The following SLC4A9 variants were observed in gnomAD, a reference collection of about 807,000 sequenced individuals.
SLC4A9 encodes solute carrier family 4 member 9.
In SLC4A9, 102 loss-of-function variants were observed where a neutral mutation model predicts 103.2. The observed-to-expected ratio is 0.99, with a 90% confidence interval of 0.84 to 1.17. The LOEUF is 1.17. Ranked by LOEUF, SLC4A9 falls within the 50% of genes most tolerant of loss-of-function variation. The pLI is 0.00. For synonymous variants in SLC4A9, 453 were observed against 483.6 expected, an observed-to-expected ratio of 0.94 and a Z score of 0.83; for missense variants, 1,091 against 1,193.7, an observed-to-expected ratio of 0.91 and a Z score of 1.27.
intron 14 of SLC4A9, 62 bp from the exon 15 acceptor site, chr5:140,367,358 T>G: frequency 6.4e-7 from 1 of 1,551,144 alleles, no homozygotes; most frequent in Non-Finnish European, 8.7e-7. Context: ...AAGGTTGAGA[T>G]GTGCAGGTGA....
chr5:140,367,774 A>G lies in SLC4A9; in HGVS notation c.2230A>G (p.Thr744Ala), dbSNP rs759004870. The G allele has an allele frequency of 6.2e-7, 1 of 1,613,824 alleles. No individual in the cohort carries two copies. The highest frequency in any genetic ancestry group is 8.5e-7 in the Non-Finnish European group (1 of 1,179,838). ...LFCVAVLMLL[T>A]SALGLPWYVS... ...CTGTGTGGCTGTGCTGATGCTACTC[A>G]CATCAGCGCTTGGACTGCCTTGGTA... The change falls in exon 16 of 22, where the codon ACA (threonine) becomes GCA (alanine). Residue 744 changes from threonine to alanine, a missense_variant. Coordinates refer to ENST00000506757, the MANE Select transcript of SLC4A9 (RefSeq NM_031467.3).
At chr5:140,367,641 TC>T in intron 15 of SLC4A9, 60 bp downstream of exon 15, 1 of 1,601,620 alleles carries the variant, frequency 6.2e-7, no homozygotes, top group Admixed American at 1.7e-5. Context: ...GAGTCTACGC[TC>T]CTCCTCTCCT....
intron 21 of SLC4A9, 185 bp from the exon 22 acceptor site, chr5:140,374,642 G>A (rs79412572): frequency 0.013 from 1,983 of 151,646 alleles, 25 homozygotes; most frequent in Non-Finnish European, 0.022. Context: ...AGAGAAAGGG[G>A]AATTCACTGG....
rs1561621631 is a variant in SLC4A9 at position 140,370,758 on chromosome 5, T to C, written c.2428-337T>C. 9 of 248,434 alleles carry C rather than the reference T, an allele frequency of 3.6e-5. No homozygotes were observed. In the South Asian group the frequency reaches 5.5e-4, roughly 15 times the overall value. The allele number at this position is 248,434 out of a possible 1,614,324, so 15.4% of individuals were successfully genotyped here. On this transcript the variant is annotated intron_variant, in intron 17 of 21. Transcript: ENST00000506757. ...AGGGGTAGGAACAAACTTGGGCATGTTGAGGGAAGGAAAGGCGGTTAGTAT... is the reference window on the plus strand; with the variant it reads ...AGGGGTAGGAACAAACTTGGGCATGCTGAGGGAAGGAAAGGCGGTTAGTAT...
At chr5:140,362,418 A>G in intron 5 of SLC4A9, 27 bp from the exon 6 acceptor site, 8 of 1,607,616 alleles carry the variant, frequency 5.0e-6, no homozygotes, top group Non-Finnish European at 6.8e-6. Context: ...CAGCCTGTGA[A>G]TCTCTGGGGC....
chr5:140,362,425 G>A lies in SLC4A9; in HGVS notation c.720-20G>A, dbSNP rs1182667100. ...TGGGAAAGCAGCCTGTGAATCTCTGGGGCCTGGTTCCTTCCTCAGGTTTTT... is the reference window on the plus strand; with the variant it reads ...TGGGAAAGCAGCCTGTGAATCTCTGAGGCCTGGTTCCTTCCTCAGGTTTTT... On this transcript the variant is annotated intron_variant, in intron 5 of 21. Transcript: ENST00000506757. 8.7e-6 allele frequency: 14 copies of A among 1,611,518 alleles called. No homozygotes were observed. Among genetic ancestry groups the A allele is most frequent in the Non-Finnish European group, 1.2e-5 (14 of 1,177,638 alleles).
At chr5:140,370,203 C>T (rs966647554) in intron 17 of SLC4A9, among the ~76,000 whole-genome samples, 3 of 152,010 alleles carry the variant, frequency 2.0e-5, no homozygotes, top group Non-Finnish European at 4.4e-5. Context: ...GTGGCTCACG[C>T]CTGTAATCCC....
At position 140,365,885 on chromosome 5, in the gene SLC4A9, C is replaced by T. The variant is rs1167944713; in HGVS notation, c.1762C>T (p.Gln588Ter). 2 of 1,613,990 alleles carry T rather than the reference C, an allele frequency of 1.2e-6. No homozygotes were observed. The highest frequency in any genetic ancestry group is 2.7e-5 in the African/African-American group (2 of 75,058). The stretch of plus-strand genomic sequence containing the variant: ...GCTGCCGCCACCTGAGTGCACCCGG[C>T]AGGGAGGCCACCCTCGTGGCCCTGG... The part of the protein sequence containing the change: ...SLLPPPECTR[Q>*]GGHPRGPGCH... The change falls in exon 13 of 22, where the codon CAG (glutamine) becomes TAG (stop). Residue 588 changes from glutamine (Q) to a stop codon, truncating the protein, a stop_gained. Transcript: ENST00000506757. LOFTEE classifies it high-confidence loss of function.
chr5:140,365,994 T>G lies in SLC4A9; in HGVS notation c.1871T>G (p.Val624Gly). The stretch of plus-strand genomic sequence containing the variant: ...TTCTTTGCTATGGCCCTCAAGTGTG[T>G]AAAGACCAGCCGCTTCTTCCCCTCT... ...SFFFAMALKC[V>G]KTSRFFPSVV... The change falls in exon 13 of 22, where the codon GTA (valine) becomes GGA (glycine). Residue 624 changes from valine (V) to glycine (G), a missense_variant. Val to Gly is a moderately radical substitution (Grantham distance 109). Coordinates refer to ENST00000506757, the MANE Select transcript of SLC4A9 (RefSeq NM_031467.3). 6.2e-7 allele frequency: 1 copy of G among 1,614,030 alleles called. No homozygotes were observed. Among genetic ancestry groups the G allele is most frequent in the South Asian group, 1.1e-5 (1 of 91,084 alleles).
chr5:140,371,342 C>T, intron 18 of SLC4A9, 109 bp from the exon 19 acceptor site: 1 of 1,463,376 alleles, frequency 6.8e-7, no homozygotes, highest in Non-Finnish European at 9.5e-7. Context: ...AGGGACTCGG[C>T]TGCCATGCTC....
chr5:140,373,663 C>T (rs1186692989), intron 21 of SLC4A9, among the ~76,000 whole-genome samples: 4 of 152,148 alleles, frequency 2.6e-5, no homozygotes, highest in East Asian at 1.9e-4. Context: ...ATTGTAGTGC[C>T]AGCTACTAGG....
At chr5:140,371,059 G>A in intron 17 of SLC4A9, 36 bp from the exon 18 acceptor site, 2 of 1,589,834 alleles carry the variant, frequency 1.3e-6, no homozygotes, top group Non-Finnish European at 1.7e-6. Flanking sequence ...GGTTGGCAGA[G>A]GTAAACTTTG....
chr5:140,362,117 T>C lies in SLC4A9; in HGVS notation c.662T>C (p.Val221Ala), dbSNP rs1321213481. 6.3e-7 allele frequency: 1 copy of C among 1,577,462 alleles called. No homozygotes were observed. The highest frequency in any genetic ancestry group is 1.2e-5 in the South Asian group (1 of 84,540). The change falls in exon 5 of 22, where the codon GTT (valine) becomes GCT (alanine). Residue 221 changes from valine (V) to alanine (A), a missense_variant. Coordinates refer to ENST00000506757, the MANE Select transcript of SLC4A9 (RefSeq NM_031467.3). ...CTGGCACAGCCACTGGGAGCCTTTG[T>C]TCGACTGCGGAACCCTGTGGTACTG... ...GFLAQPLGAF[V>A]RLRNPVVLGS...
chr5:140,360,984 T>C lies in SLC4A9; in HGVS notation c.391+12T>C. ...CCTGGAGCTCGTGGGTAGGCTGGGA[T>C]CCTTTGCAGGAAGGGCCTGGGTAGC... On this transcript the variant is annotated intron_variant, in intron 2 of 21. Transcript: ENST00000506757. 6.4e-7 allele frequency: 1 copy of C among 1,557,630 alleles called. No homozygotes were observed.
chr5:140,364,193 A>G lies in SLC4A9; in HGVS notation c.1388+6A>G. 6.4e-7 allele frequency: 1 copy of G among 1,563,848 alleles called. No individual in the cohort carries two copies. The highest frequency in any genetic ancestry group is 8.7e-7 in the Non-Finnish European group (1 of 1,154,386). ...CTGCTCTTCTCTTTCAGCAGGTAGG[A>G]GAGCTCCCCCCATCACCGGACCCTC... is the stretch of plus-strand genomic sequence containing the variant. On this transcript the variant is annotated splice_donor_region_variant and intron_variant, in intron 10 of 21. Coordinates refer to ENST00000506757, the MANE Select transcript of SLC4A9 (RefSeq NM_031467.3).
At chr5:140,372,474 A>C (rs1768872436) in intron 20 of SLC4A9, 77 bp downstream of exon 20, 1 of 1,570,500 alleles carries the variant, frequency 6.4e-7, no homozygotes, top group African/African-American at 1.4e-5. Flanking sequence ...GCTGTCCCTA[A>C]ATAATATCTC....
intron 21 of SLC4A9, among the ~76,000 whole-genome samples, chr5:140,374,266 G>A (rs1769162234): frequency 6.6e-6 from 1 of 151,368 alleles, no homozygotes; most frequent in Non-Finnish European, 1.5e-5. Flanking sequence ...AAGCTCAAGA[G>A]CCTAAGAGCC....
intron 21 of SLC4A9, among the ~76,000 whole-genome samples, chr5:140,373,636 G>A (rs1561634718): frequency 6.6e-6 from 1 of 152,138 alleles, no homozygotes; most frequent in Non-Finnish European, 1.5e-5. Context: ...CCAGGTAGCT[G>A]GGCACAGCAG....
chr5:140,368,329 A>G (rs11168051), intron 16 of SLC4A9, among the ~76,000 whole-genome samples: 101,852 of 152,116 alleles, frequency 0.67, 34,500 homozygotes, highest in East Asian at 0.84. Flanking sequence ...CTAATTTTCC[A>G]TCAAAATAAA....
Sources: allele counts gnomAD v4.1 joint callset (sites outside exome capture counted in the v4.1 genomes callset), GRCh38; gene constraint gnomAD v4.1.1; transcripts MANE v1.5; gene names NCBI Gene and HGNC (gene_info 2026-07-23, HGNC 2026-07-21).